The following OSBPL6 variants were observed in gnomAD, a reference collection of about 807,000 sequenced individuals.
The protein encoded by OSBPL6 is oxysterol-binding protein-related protein 6.
In OSBPL6, 49 loss-of-function variants were observed where a neutral mutation model predicts 125.8. The ratio of observed to expected loss-of-function variants is 0.39; its 90% CI spans 0.31 to 0.49. The LOEUF (loss-of-function observed/expected upper bound fraction) is 0.49. Ranked by LOEUF, OSBPL6 falls within the 20% of genes least tolerant of loss-of-function variation. The pLI, the probability that OSBPL6 is intolerant of heterozygous loss-of-function variation, is 0.88. For synonymous variants in OSBPL6, 394 were observed against 391.8 expected, an observed-to-expected ratio of 1.01 and a Z score of -0.07; for missense variants, 986 against 1,135.4, an observed-to-expected ratio of 0.87 and a Z score of 1.89.
At chr2:178,392,769 G>A (rs1005144328) in intron 23 of OSBPL6, among the ~76,000 whole-genome samples, 1 of 151,710 alleles carries the variant, frequency 6.6e-6, no homozygotes, top group Non-Finnish European at 1.5e-5. Flanking sequence ...GCTGACGTGG[G>A]AGGATCGCTC....
At chr2:178,241,013 T>C (rs1313177510) in intron 1 of OSBPL6, among the ~76,000 whole-genome samples, 1 of 152,150 alleles carries the variant, frequency 6.6e-6, no homozygotes. Flanking sequence ...ACAATCTTTT[T>C]TTTCTTTTTT....
At chr2:178,315,837 C>T (rs2154067386) in intron 3 of OSBPL6, among the ~76,000 whole-genome samples, 1 of 152,232 alleles carries the variant, frequency 6.6e-6, no homozygotes, top group Middle Eastern at 3.4e-3. Context: ...AGAAGCCACC[C>T]CAGGAGACTG....
At chr2:178,247,658 G>T (rs2091542946) in intron 1 of OSBPL6, among the ~76,000 whole-genome samples, 1 of 151,984 alleles carries the variant, frequency 6.6e-6, no homozygotes, top group Non-Finnish European at 1.5e-5. Context: ...CCTCTCCAAA[G>T]CCTCCAGACT....
intron 1 of OSBPL6, among the ~76,000 whole-genome samples, chr2:178,197,053 T>G (rs1287846854): frequency 6.6e-6 from 1 of 152,044 alleles, no homozygotes; most frequent in African/African-American, 2.4e-5. Context: ...TTTGAGATAT[T>G]GCAGTGTTGC....
rs145200774 is a variant in OSBPL6, at chr2:178,219,439, G to A, written c.-351+24765G>A. On this transcript the variant is annotated intron_variant, in intron 1 of 24. Transcript: ENST00000190611. ...GCTTTAATCCTACTATCTGGCCTAA[G>A]GGTATTAGTTCCATAACAATTGGGT... Among the ~76,000 whole-genome samples, 834 of 152,278 alleles carry A rather than the reference G, an allele frequency of 5.5e-3. 8 individuals carry two copies. The highest frequency in any genetic ancestry group is 0.019 in the African/African-American group (796 of 41,546).
intron 12 of OSBPL6, among the ~76,000 whole-genome samples, chr2:178,358,814 A>G (rs1416864639): frequency 1.3e-5 from 2 of 152,142 alleles, no homozygotes; most frequent in Non-Finnish European, 1.5e-5. Context: ...CACAGCAAAG[A>G]AAACAATCAA....
At position 178,297,967 on chromosome 2, in the gene OSBPL6, TTTCCATCTTTCAAAGTGAAA is replaced by T. The variant is rs1685911387; in HGVS notation, c.-155-8059_-155-8040del. On this transcript the variant is annotated intron_variant, in intron 2 of 24. Coordinates refer to ENST00000190611, the MANE Select transcript of OSBPL6 (RefSeq NM_032523.4). ...ATCACCACCATGCATTTCCAGAACC[TTTCCATCTTTCAAAGTGAAA>T]TTCTGTAACCACTAAACACAACTCT... 2.6e-5 allele frequency among the ~76,000 whole-genome samples: 4 copies of T among 152,324 alleles called. No individual in the cohort carries two copies. The South Asian group carries it at 8.3e-4, about 32-fold the overall frequency.
intron 3 of OSBPL6, among the ~76,000 whole-genome samples, chr2:178,313,120 T>C (rs1039804135): frequency 1.3e-5 from 2 of 152,032 alleles, no homozygotes; most frequent in African/African-American, 2.4e-5. Flanking sequence ...GGTCTTAAAT[T>C]CCTGATCTCA....
intron 1 of OSBPL6, among the ~76,000 whole-genome samples, chr2:178,210,615 T>C (rs2089802372): frequency 6.6e-6 from 1 of 152,018 alleles, no homozygotes; most frequent in African/African-American, 2.4e-5. Flanking sequence ...GACACCAGCC[T>C]GGCCAACCAA....
chr2:178,397,502 A>G lies in OSBPL6; in HGVS notation c.*1943A>G, dbSNP rs903679429. 4 of 152,240 alleles carry G rather than the reference A, an allele frequency of 2.6e-5. No individual in the cohort carries two copies. The highest frequency in any genetic ancestry group is 6.5e-5 in the Admixed American group (1 of 15,288). The allele number at this position is 152,240 out of a possible 1,614,324, so 9.4% of individuals were successfully genotyped here. ...GAGATACATGTCGTTAATTTTAATA[A>G]GAATCCTATTGACTTCCTCACGGGA... On this transcript the variant is annotated 3_prime_UTR_variant, in exon 25 of 25. Coordinates refer to ENST00000190611, the MANE Select transcript of OSBPL6 (RefSeq NM_032523.4).
At chr2:178,295,159 A>C (rs1685633176) in intron 2 of OSBPL6, among the ~76,000 whole-genome samples, 2 of 152,180 alleles carry the variant, frequency 1.3e-5, no homozygotes, top group South Asian at 2.1e-4. Context: ...GAGATAGGGA[A>C]ATCTGGAGTT....
At position 178,401,506 on chromosome 2, in the gene OSBPL6, A is replaced by C. The variant is rs745384212; in HGVS notation, c.*5947A>C. The C allele has an allele frequency of 6.6e-6, 1 of 152,256 alleles. No individual in the cohort carries two copies. The highest frequency in any genetic ancestry group is 2.4e-5 in the African/African-American group (1 of 41,470). 9.4% of individuals were successfully genotyped at this position (152,256 alleles called of 1,614,324 possible). On this transcript the variant is annotated 3_prime_UTR_variant, in exon 25 of 25. Coordinates refer to ENST00000190611, the MANE Select transcript of OSBPL6 (RefSeq NM_032523.4). ...GCCTTATTCCTTATATCCGGAGCCT[A>C]AAAGTTTGCTCAAAAGTAGAAAACT...
chr2:178,269,586 C>T (rs2092326524), intron 1 of OSBPL6, among the ~76,000 whole-genome samples: 2 of 152,146 alleles, frequency 1.3e-5, no homozygotes, highest in South Asian at 4.1e-4. Context: ...TGTATAAAGA[C>T]TCTGGTCATT....
chr2:178,328,590 C>T (rs1035461614), intron 5 of OSBPL6, among the ~76,000 whole-genome samples: 21 of 152,174 alleles, frequency 1.4e-4, no homozygotes, highest in African/African-American at 4.6e-4. Context: ...CAGGTTCAAG[C>T]GATTCTTCCA....
At chr2:178,225,184 G>T (rs2090503137) in intron 1 of OSBPL6, among the ~76,000 whole-genome samples, 1 of 151,274 alleles carries the variant, frequency 6.6e-6, no homozygotes, top group African/African-American at 2.4e-5. Context: ...TGGGATGAAA[G>T]CCTCTCTAGA....
At chr2:178,277,712 A>G (rs184429211) in intron 1 of OSBPL6, among the ~76,000 whole-genome samples, 1 of 152,350 alleles carries the variant, frequency 6.6e-6, no homozygotes, top group African/African-American at 2.4e-5. Context: ...TGCTAAGGCA[A>G]GAAACACGTG....
chr2:178,329,705 G>A lies in OSBPL6; in HGVS notation c.318+1327G>A, dbSNP rs1445201201. On this transcript the variant is annotated intron_variant, in intron 5 of 24. Transcript: ENST00000190611. ...CTCCCAAAGTGCTGGGATTACAGGC[G>A]TGAGCCACCACGTCAGTTTAAACTC... Among the ~76,000 whole-genome samples the A allele has an allele frequency of 2.6e-5, 4 of 152,232 alleles. No individual in the cohort carries two copies. In the East Asian group the frequency reaches 5.8e-4, roughly 22 times the overall value.
intron 1 of OSBPL6, among the ~76,000 whole-genome samples, chr2:178,206,093 GTA>G (rs1332332961): frequency 1.3e-5 from 2 of 152,186 alleles, no homozygotes; most frequent in African/African-American, 4.8e-5. Flanking sequence ...TTTTAATACT[GTA>G]TTACACAGCC....
chr2:178,296,235 T>C (rs1176776651), intron 2 of OSBPL6, among the ~76,000 whole-genome samples: 1 of 152,188 alleles, frequency 6.6e-6, no homozygotes, highest in African/African-American at 2.4e-5. Flanking sequence ...AAGTGACACG[T>C]TGATCCCAAT....
Sources: gnomAD v4.1 joint callset for allele counts (sites outside exome capture counted in the v4.1 genomes callset) on GRCh38, gnomAD v4.1.1 for gene constraint, MANE v1.5 for transcripts, NCBI Gene and HGNC (gene_info 2026-07-23, HGNC 2026-07-21) for gene names.